The following DLGAP5 variants were observed in gnomAD, a reference collection of about 807,000 sequenced individuals.
The protein encoded by DLGAP5 is DLG associated protein 5.
Under a neutral mutation model 99.6 loss-of-function variants are expected in DLGAP5, and 90 were observed. That is an observed-to-expected ratio of 0.90 (90% CI 0.76 to 1.08). The LOEUF (loss-of-function observed/expected upper bound fraction) is 1.08, where lower values mean the gene tolerates loss of function less well. Among genes scored for constraint, DLGAP5 ranks in the 50% least tolerant of loss-of-function variants. DLGAP5 has a pLI of 0.00. For missense variants in DLGAP5, 1,036 were observed against 983.5 expected (o/e 1.05, Z -0.71); for synonymous variants, 311 against 321.3 (o/e 0.97, Z 0.34).
intron 10 of DLGAP5, among the ~76,000 whole-genome samples, chr14:55,173,162 T>C (rs567170409): frequency 2.7e-5 from 4 of 149,776 alleles, no homozygotes; most frequent in Non-Finnish European, 5.9e-5. Context: ...AAGCTGGACA[T>C]AGTGGCTCAT....
chr14:55,161,227 C>T lies in DLGAP5; in HGVS notation c.1653+1744G>A, dbSNP rs562549678. Among the ~76,000 whole-genome samples the T allele has an allele frequency of 7.9e-5, 12 of 152,002 alleles. No homozygotes were observed. In the East Asian group the frequency reaches 2.3e-3, roughly 29 times the overall value. On this transcript the variant is annotated intron_variant, in intron 13 of 18. Transcript: ENST00000247191. ...AATTACAAATCTCTATAGGACATAG[C>T]CATGATCTGCATCACTGATGATATT...
chr14:55,180,510 G>C (rs1313559062), intron 6 of DLGAP5, 146 bp downstream of exon 6: 37 of 1,131,498 alleles, frequency 3.3e-5, no homozygotes, highest in Admixed American at 4.9e-5. Context: ...CCAGATGTCA[G>C]GGCACAGAAT....
rs539878732 is a variant in DLGAP5, at chr14:55,165,906, A to G, written c.1549-2831T>C. Among the ~76,000 whole-genome samples, 7 of 152,372 alleles carry G rather than the reference A, an allele frequency of 4.6e-5. No homozygotes were observed. The East Asian group carries it at 1.2e-3, about 25-fold the overall frequency. On this transcript the variant is annotated intron_variant, in intron 12 of 18. Coordinates refer to ENST00000247191, the MANE Select transcript of DLGAP5 (RefSeq NM_014750.5). ...GGCTACTATAATAAAAAAGACAATA[A>G]GTATTAGTGAGGATGTCGAAAAACA... is the stretch of plus-strand genomic sequence containing the variant.
chr14:55,161,408 ATTT>A (rs551424574), intron 13 of DLGAP5, among the ~76,000 whole-genome samples: 2 of 115,902 alleles, frequency 1.7e-5, no homozygotes, highest in African/African-American at 7.1e-5. Flanking sequence ...TAAAAAAAAA[ATTT>A]TTTTTTTTTT....
chr14:55,190,700 A>G (rs1255503932), intron 1 of DLGAP5, among the ~76,000 whole-genome samples: 1 of 152,230 alleles, frequency 6.6e-6, no homozygotes, highest in African/African-American at 2.4e-5. Context: ...AGCAATCAAC[A>G]AAATATAAAA....
intron 12 of DLGAP5, among the ~76,000 whole-genome samples, chr14:55,167,407 C>T (rs1882683918): frequency 6.6e-6 from 1 of 152,134 alleles, no homozygotes; most frequent in African/African-American, 2.4e-5. Flanking sequence ...TATATAAAAA[C>T]TCATCATAAA....
chr14:55,169,576 A>T lies in DLGAP5; in HGVS notation c.1388-17T>A. ...GATCTTTAGCTGAAGGAAATAAGAG[A>T]TTTTTTAAAATTAAAGGACAAAACG... On this transcript the variant is annotated splice_polypyrimidine_tract_variant and intron_variant, in intron 11 of 18. Coordinates refer to ENST00000247191, the MANE Select transcript of DLGAP5 (RefSeq NM_014750.5). The T allele has an allele frequency of 6.4e-7, 1 of 1,561,124 alleles. No homozygotes were observed. Among genetic ancestry groups the T allele is most frequent in the Non-Finnish European group, 8.6e-7 (1 of 1,160,010 alleles).
chr14:55,173,265 G>A (rs1334730443), intron 10 of DLGAP5, among the ~76,000 whole-genome samples: 4 of 92,456 alleles, frequency 4.3e-5, no homozygotes, highest in South Asian at 4.0e-4. Flanking sequence ...TAAGACCCCC[G>A]TCTCTACAAA....
At chr14:55,154,055 C>T (rs1882115761) in intron 15 of DLGAP5, among the ~76,000 whole-genome samples, 2 of 152,030 alleles carry the variant, frequency 1.3e-5, no homozygotes, top group Non-Finnish European at 2.9e-5. Flanking sequence ...GACTCCACCT[C>T]CAAAAAACAA....
chr14:55,176,862 C>T (rs1290439856), intron 8 of DLGAP5, among the ~76,000 whole-genome samples, 200 bp downstream of exon 8: 1 of 150,600 alleles, frequency 6.6e-6, no homozygotes, highest in African/African-American at 2.5e-5. Flanking sequence ...CCTGTAGTCC[C>T]AGCTACTTGA....
intron 12 of DLGAP5, among the ~76,000 whole-genome samples, chr14:55,165,969 A>G (rs1159245102): frequency 6.6e-6 from 1 of 152,244 alleles, no homozygotes; most frequent in Non-Finnish European, 1.5e-5. Context: ...GTAAAATGGT[A>G]TAATCACTTT....
chr14:55,163,658 G>A (rs183698346), intron 12 of DLGAP5, among the ~76,000 whole-genome samples: 2 of 152,256 alleles, frequency 1.3e-5, no homozygotes, highest in East Asian at 1.9e-4. Context: ...TGGAAAGTTC[G>A]TATTGCTCCA....
At chr14:55,186,212 G>C (rs1260989253) in intron 2 of DLGAP5, among the ~76,000 whole-genome samples, 5 of 152,164 alleles carry the variant, frequency 3.3e-5, no homozygotes, top group Middle Eastern at 3.4e-3. Flanking sequence ...CAGAGGTTGC[G>C]GTGAGCCGAG....
At chr14:55,169,767 C>T (rs1285536968) in intron 11 of DLGAP5, among the ~76,000 whole-genome samples, 5 of 152,198 alleles carry the variant, frequency 3.3e-5, no homozygotes, top group Non-Finnish European at 7.3e-5. Flanking sequence ...AATATTTTCT[C>T]ATACATATTG....
intron 2 of DLGAP5, among the ~76,000 whole-genome samples, chr14:55,186,443 A>T (rs1883438366): frequency 6.6e-6 from 1 of 152,198 alleles, no homozygotes; most frequent in Non-Finnish European, 1.5e-5. Context: ...TAAATCAAGA[A>T]CCAAGTAAGA....
At position 55,182,406 on chromosome 14, in the gene DLGAP5, T is replaced by G; in HGVS notation, c.459A>C (p.Thr153=). 6.2e-7 allele frequency: 1 copy of G among 1,613,002 alleles called. No homozygotes were observed. The highest frequency in any genetic ancestry group is 8.5e-7 in the Non-Finnish European group (1 of 1,179,264). The change falls in exon 4 of 19, where the codon ACA becomes ACC. Residue 153 remains threonine, a synonymous_variant. Transcript: ENST00000247191. ...KKAIPSSVRI[T]RSKAKDQMEQ... Reference sequence around the variant, plus strand: ...CCATTTGGTCTTTGGCCTTTGACCTTGTAATCCGTACAGAAGATGGAATAG... The same window carrying G: ...CCATTTGGTCTTTGGCCTTTGACCTGGTAATCCGTACAGAAGATGGAATAG...
chr14:55,164,309 GA>G (rs113824940), intron 12 of DLGAP5, among the ~76,000 whole-genome samples: 57 of 146,354 alleles, frequency 3.9e-4, no homozygotes, highest in African/African-American at 1.3e-3. Context: ...CATCTCAAAG[GA>G]AAAAAAAAAG....
At chr14:55,168,992 C>T (rs1366485821) in intron 12 of DLGAP5, among the ~76,000 whole-genome samples, 9 of 151,610 alleles carry the variant, frequency 5.9e-5, no homozygotes, top group Non-Finnish European at 1.0e-4. Flanking sequence ...CTGGCTAACA[C>T]GGTGAAACTC....
intron 14 of DLGAP5, among the ~76,000 whole-genome samples, chr14:55,155,715 C>T (rs1005236815): frequency 6.6e-6 from 1 of 152,074 alleles, no homozygotes; most frequent in African/African-American, 2.4e-5. Flanking sequence ...GCAACAATAA[C>T]AATATTTTGG....
Sources: gnomAD v4.1 joint callset for allele counts (sites outside exome capture counted in the v4.1 genomes callset) on GRCh38, gnomAD v4.1.1 for gene constraint, MANE v1.5 for transcripts, NCBI Gene and HGNC (gene_info 2026-07-23, HGNC 2026-07-21) for gene names.